The following SAMD4B variants were observed in gnomAD, a reference collection of about 807,000 sequenced individuals.
SAMD4B encodes the protein protein Smaug homolog 2.
SAMD4B carries 5 observed loss-of-function variants against 74.5 expected under a neutral mutation model. That is an observed-to-expected ratio of 0.07 (90% CI 0.04 to 0.14). The LOEUF (loss-of-function observed/expected upper bound fraction) is 0.14. Ranked by LOEUF, SAMD4B falls within the 10% of genes least tolerant of loss-of-function variation. SAMD4B has a pLI of 1.00. For synonymous variants in SAMD4B, 373 were observed against 374.9 expected (o/e 1.00, Z 0.06); for missense variants, 608 against 921.8 (o/e 0.66, Z 4.41).
chr19:39,377,404 C>T, intron 7 of SAMD4B, 81 bp from the exon 8 acceptor site: 6 of 1,271,624 alleles, frequency 4.7e-6, no homozygotes, highest in Non-Finnish European at 6.6e-6. Context: ...TCTGCAAGCC[C>T]TGTCTGACTC....
chr19:39,368,426 G>A (rs191695538), intron 3 of SAMD4B, among the ~76,000 whole-genome samples: 1 of 152,288 alleles, frequency 6.6e-6, no homozygotes, highest in Non-Finnish European at 1.5e-5. Flanking sequence ...CTCAGCCAAG[G>A]TGTGGAGCTT....
At chr19:39,389,517 A>G (rs149745358), downstream of SAMD4B, 5,786 of 1,614,136 alleles carry the variant, frequency 3.6e-3, 40 homozygotes, top group Non-Finnish European at 3.3e-3. This position sits in a 1 kb window ranked among gnomAD's most constrained non-coding sequence, Gnocchi z 5.3. Flanking sequence ...TCCTCTTCCA[A>G]AAGTTTCTCA....
chr19:39,357,826 G>A (rs1050121983), intron 3 of SAMD4B, among the ~76,000 whole-genome samples: 2 of 152,204 alleles, frequency 1.3e-5, no homozygotes, highest in South Asian at 2.1e-4. Context: ...GTGGATACCC[G>A]AAAGCTAGCT....
At chr19:39,345,698 G>A (rs1435705261) in intron 1 of SAMD4B, among the ~76,000 whole-genome samples, 1 of 152,174 alleles carries the variant, frequency 6.6e-6, no homozygotes, top group African/African-American at 2.4e-5. Context: ...GATGTGTCTT[G>A]TTCTTCTCTG....
At chr19:39,379,167 C>T (rs1177381096) in intron 9 of SAMD4B, among the ~76,000 whole-genome samples, 1 of 151,788 alleles carries the variant, frequency 6.6e-6, no homozygotes, top group African/African-American at 2.4e-5. Context: ...AGATTACAGG[C>T]GTGACGATTT....
chr19:39,380,637 G>C lies in SAMD4B; in HGVS notation c.1700G>C (p.Gly567Ala), dbSNP rs749149712. The change falls in exon 11 of 14, where the codon GGA (glycine) becomes GCA (alanine). Residue 567 changes from glycine to alanine, a missense_variant. Gly to Ala is a moderately conservative substitution (Grantham distance 60, BLOSUM62 0). Coordinates refer to ENST00000610417, the MANE Select transcript of SAMD4B (RefSeq NM_001384574.2). ...SLPIAGSVGM[G>A]VARRTQRQFP... ...CCCATAGCTGGCTCTGTGGGGATGG[G>C]AGTGGCCCGGCGTACCCAGCGGCAG... The C allele has an allele frequency of 1.2e-6, 2 of 1,614,152 alleles. No individual in the cohort carries two copies. The highest frequency in any genetic ancestry group is 3.3e-5 in the Admixed American group (2 of 60,026).
At position 39,377,515 on chromosome 19, in the gene SAMD4B, G is replaced by T. The variant is rs996235629; in HGVS notation, c.1135G>T (p.Ala379Ser). Residue 379 changes from alanine to serine, a missense_variant, in exon 8 of 14, where the codon GCT (alanine) becomes TCT (serine). Physicochemically the swap from Ala to Ser is moderately conservative, Grantham distance 99. Coordinates refer to ENST00000610417, the MANE Select transcript of SAMD4B (RefSeq NM_001384574.2). ...GCTGGAAGGCGGGAACCTACGAAAC[G>T]CTCTGCAGGAGCTGCAGCAGATCAT... ...DVLEGGNLRN[A>S]LQELQQIIIT... 1.3e-6 allele frequency: 2 copies of T among 1,585,604 alleles called. No homozygotes were observed. The highest frequency in any genetic ancestry group is 1.7e-5 in the Admixed American group (1 of 57,846).
chr19:39,369,442 C>T, intron 3 of SAMD4B: 1 of 575,206 alleles, frequency 1.7e-6, no homozygotes, highest in East Asian at 2.9e-5. Flanking sequence ...AGTGAGACCC[C>T]ATCTCTTAAA....
At chr19:39,386,430 C>T, downstream of SAMD4B, 3 of 1,614,076 alleles carry the variant, frequency 1.9e-6, no homozygotes, top group East Asian at 6.7e-5. The surrounding 1 kb of genome is among the most constrained non-coding windows in gnomAD (Gnocchi z 6.1). Context: ...AGAGATGAAA[C>T]CCACTTTTCC....
chr19:39,351,958 G>A (rs2076067743), intron 1 of SAMD4B: 1 of 152,382 alleles, frequency 6.6e-6, no homozygotes, highest in African/African-American at 2.4e-5. Flanking sequence ...ACAGTAAGAT[G>A]CTGCCACAGT....
At position 39,380,471 on chromosome 19, in the gene SAMD4B, G is replaced by A. The variant is rs1324553151; in HGVS notation, c.1650-116G>A. 8 of 1,087,266 alleles carry A rather than the reference G, an allele frequency of 7.4e-6. No individual in the cohort carries two copies. The African/African-American group carries it at 1.1e-4, about 15-fold the overall frequency. 67.4% of individuals were successfully genotyped at this position (1,087,266 alleles called of 1,614,324 possible). On this transcript the variant is annotated intron_variant, in intron 10 of 13. Transcript: ENST00000610417. ...CTTGGGGCAGATGAGGACAGAATGT[G>A]TGATGGAGGTTTATGTTCTCTCCTA...
chr19:39,388,438 T>C (rs1263409735), downstream of SAMD4B: 1 of 1,614,044 alleles, frequency 6.2e-7, no homozygotes, highest in Non-Finnish European at 8.5e-7. Flanking sequence ...CACGTTCCAG[T>C]TGTACTCCCG....
rs368764798 is a variant in SAMD4B at position 39,344,987 on chromosome 19, T to A, written c.-267+2411T>A. On this transcript the variant is annotated intron_variant, in intron 1 of 13. Coordinates refer to ENST00000610417, the MANE Select transcript of SAMD4B (RefSeq NM_001384574.2). The stretch of plus-strand genomic sequence containing the variant: ...TAATCCCTTCCCCTATAGCAGTGGT[T>A]CTCAGTGTGGTTCCTGGCCCAGCAG... Among the ~76,000 whole-genome samples, 4 of 152,274 alleles carry A rather than the reference T, an allele frequency of 2.6e-5. 1 individual carries two copies. The highest frequency in any genetic ancestry group is 9.6e-5 in the African/African-American group (4 of 41,556).
chr19:39,375,955 A>G lies in SAMD4B; in HGVS notation c.907+66A>G. On this transcript the variant is annotated intron_variant, in intron 5 of 13. Coordinates refer to ENST00000610417, the MANE Select transcript of SAMD4B (RefSeq NM_001384574.2). This position sits in a 1 kb window ranked among gnomAD's most constrained non-coding sequence, Gnocchi z 4.1. ...CTTCTGCAGAGCTTAGAGGACAGAAAGGAGCTTGTAGCTGACACCTGCTTA... is the reference window on the plus strand; with the variant it reads ...CTTCTGCAGAGCTTAGAGGACAGAAGGGAGCTTGTAGCTGACACCTGCTTA... The G allele has an allele frequency of 6.4e-7, 1 of 1,561,806 alleles. No homozygotes were observed. Among genetic ancestry groups the G allele is most frequent in the Non-Finnish European group, 8.6e-7 (1 of 1,157,276 alleles).
chr19:39,385,801 G>T, downstream of SAMD4B: 2 of 795,484 alleles, frequency 2.5e-6, no homozygotes, highest in Non-Finnish European at 3.9e-6. Context: ...CCTGGGGGTT[G>T]CGGGAGGTAT....
chr19:39,368,705 C>T (rs2077119047), intron 3 of SAMD4B, among the ~76,000 whole-genome samples: 2 of 152,166 alleles, frequency 1.3e-5, no homozygotes, highest in Non-Finnish European at 2.9e-5. Context: ...GCAGAGAGAC[C>T]AGTTAAAAAA....
intron 7 of SAMD4B, 60 bp from the exon 8 acceptor site, chr19:39,377,425 T>C: frequency 7.1e-7 from 1 of 1,400,952 alleles, no homozygotes; most frequent in South Asian, 1.4e-5. Context: ...TCTGTGTAGA[T>C]ACTCTCTGTC....
intron 1 of SAMD4B, chr19:39,350,738 C>G (rs887649087): frequency 6.6e-6 from 1 of 152,062 alleles, no homozygotes; most frequent in Admixed American, 6.6e-5. Context: ...ATCCGCCCGT[C>G]TCGGCCCCCC....
downstream of SAMD4B, chr19:39,386,806 G>C (rs2078260897): frequency 6.2e-7 from 1 of 1,603,776 alleles, no homozygotes; most frequent in Admixed American, 1.7e-5. The surrounding 1 kb of genome is among the most constrained non-coding windows in gnomAD (Gnocchi z 6.1). Context: ...GACCCTGCAG[G>C]GGGTGAATTT....
Sources: allele counts gnomAD v4.1 joint callset (sites outside exome capture counted in the v4.1 genomes callset), GRCh38; gene constraint gnomAD v4.1.1; non-coding constraint Gnocchi (gnomAD v3.1); transcripts MANE v1.5; gene names NCBI Gene and HGNC (gene_info 2026-07-23, HGNC 2026-07-21).